AKR1C2: variants seen among roughly 807,000 people sequenced by gnomAD.
AKR1C2 encodes the protein aldo-keto reductase family 1 member C2.
In AKR1C2, 27 loss-of-function variants were observed where a neutral mutation model predicts 39.8. That is an observed-to-expected ratio of 0.68 (90% CI 0.50 to 0.93). The LOEUF (loss-of-function observed/expected upper bound fraction) is 0.93. AKR1C2 is among the 40% of genes least tolerant of loss of function. The pLI, the probability that AKR1C2 is intolerant of heterozygous loss-of-function variation, is 0.00. For synonymous variants in AKR1C2, 114 were observed against 137.9 expected, an observed-to-expected ratio of 0.83 and a Z score of 1.22; for missense variants, 263 against 365.1, an observed-to-expected ratio of 0.72 and a Z score of 2.28.
At chr10:5,011,122 G>C (rs1554774886) in intron 1 of AKR1C2, among the ~76,000 whole-genome samples, 1 of 150,472 alleles carries the variant, frequency 6.6e-6, no homozygotes, top group Non-Finnish European at 1.5e-5. Context: ...ATAGGGCACT[G>C]ATATCCAAAA....
chr10:4,990,616 T>C (rs1836807230), intron 8 of AKR1C2, among the ~76,000 whole-genome samples: 1 of 152,222 alleles, frequency 6.6e-6, no homozygotes, highest in Non-Finnish European at 1.5e-5. Flanking sequence ...AACCATTTTA[T>C]AGGTAGACAT....
upstream of AKR1C2, among the ~76,000 whole-genome samples, chr10:5,008,478 TG>T (rs1370388801): frequency 3.2e-5 from 4 of 126,038 alleles, no homozygotes; most frequent in African/African-American, 1.1e-4. Context: ...ACCTTGTACA[TG>T]GGGGCTTCTG....
chr10:5,014,746 G>C (rs1172308076), intron 1 of AKR1C2, among the ~76,000 whole-genome samples: 1 of 152,204 alleles, frequency 6.6e-6, no homozygotes, highest in African/African-American at 2.4e-5. Context: ...ATGTCTAACA[G>C]CTGTTTCCCT....
At chr10:5,014,969 G>A (rs1837608136) in intron 1 of AKR1C2, 1 of 152,212 alleles carries the variant, frequency 6.6e-6, no homozygotes, top group African/African-American at 2.4e-5. Flanking sequence ...GTCCCTGTTG[G>A]GAGAGTTCTT....
upstream of AKR1C2, among the ~76,000 whole-genome samples, chr10:5,005,262 T>A (rs543013889): frequency 3.3e-5 from 5 of 152,368 alleles, no homozygotes; most frequent in South Asian, 1.0e-3. Context: ...ACTTGAGTTT[T>A]ACGTAGGGCT....
At chr10:4,991,624 C>G (rs1201507205) in intron 8 of AKR1C2, among the ~76,000 whole-genome samples, 1 of 150,206 alleles carries the variant, frequency 6.7e-6, no homozygotes, top group Non-Finnish European at 1.5e-5. Flanking sequence ...AGCAGAGGCA[C>G]AGGTTGACCC....
chr10:5,011,867 G>A (rs1214984260), intron 1 of AKR1C2, among the ~76,000 whole-genome samples: 1 of 152,176 alleles, frequency 6.6e-6, no homozygotes, highest in Non-Finnish European at 1.5e-5. Flanking sequence ...TATGAAGTGT[G>A]TTAAAGTTAA....
intron 1 of AKR1C2, among the ~76,000 whole-genome samples, chr10:5,017,206 A>G (rs1554775418): frequency 6.6e-6 from 1 of 152,136 alleles, no homozygotes; most frequent in East Asian, 1.9e-4. Flanking sequence ...TTCTGCAACC[A>G]CCTTGAATTC....
intron 1 of AKR1C2, among the ~76,000 whole-genome samples, chr10:5,011,694 C>G (rs1278462827): frequency 6.6e-6 from 1 of 152,134 alleles, no homozygotes; most frequent in African/African-American, 2.4e-5. Context: ...CTGAGGATTT[C>G]AATTTACTTT....
intron 7 of AKR1C2, among the ~76,000 whole-genome samples, chr10:4,993,045 G>C (rs1175671203): frequency 1.3e-5 from 2 of 152,162 alleles, no homozygotes; most frequent in South Asian, 4.1e-4. Flanking sequence ...TTCATATTAT[G>C]ATCATGGACT....
upstream of AKR1C2, chr10:5,006,682 T>A (rs1469878358): frequency 3.3e-5 from 5 of 152,156 alleles, no homozygotes; most frequent in African/African-American, 1.2e-4. Flanking sequence ...TCCACAGATT[T>A]CTTATGAGAG....
chr10:5,012,864 C>T (rs533432413), intron 1 of AKR1C2, among the ~76,000 whole-genome samples: 4 of 152,296 alleles, frequency 2.6e-5, no homozygotes, highest in Middle Eastern at 3.4e-3. Context: ...CATAGGCATG[C>T]TGTTTTTTCT....
intron 3 of AKR1C2, chr10:4,999,884 G>A (rs1837199848): frequency 2.3e-6 from 2 of 869,486 alleles, no homozygotes; most frequent in Admixed American, 5.7e-5. Flanking sequence ...GGTGGAGAAA[G>A]GATATATTTT....
chr10:5,004,634 G>A (rs1344028914), upstream of AKR1C2: 1 of 152,114 alleles, frequency 6.6e-6, no homozygotes, highest in Admixed American at 6.5e-5. Context: ...ATAACTATTA[G>A]ATATACTTTA....
intron 1 of AKR1C2, among the ~76,000 whole-genome samples, chr10:5,017,495 A>G (rs562787747): frequency 5.9e-5 from 9 of 152,190 alleles, no homozygotes; most frequent in Admixed American, 1.3e-4. Context: ...TTGCTAAAGC[A>G]TAGGAAGAGT....
At chr10:5,002,568 T>C (rs1410017729) in intron 1 of AKR1C2, among the ~76,000 whole-genome samples, 4 of 97,996 alleles carry the variant, frequency 4.1e-5, no homozygotes, top group African/African-American at 9.2e-5. Flanking sequence ...CTCCATAAAT[T>C]CAAGGCAACT....
chr10:4,999,487 T>C lies in AKR1C2; in HGVS notation c.370-210A>G, dbSNP rs534182670. ...TCTAATCTCTTACACCTATTATATG[T>C]ATAAATAAATACCATCTTTCTGGTT... On this transcript the variant is annotated intron_variant, in intron 3 of 8. Coordinates refer to ENST00000380753, the MANE Select transcript of AKR1C2 (RefSeq NM_001393392.1). The C allele has an allele frequency of 5.0e-6, 5 of 996,998 alleles. No individual in the cohort carries two copies. The South Asian group carries it at 9.3e-5, about 18-fold the overall frequency. 61.8% of individuals were successfully genotyped at this position (996,998 alleles called of 1,614,324 possible).
rs1836748291 is a variant in AKR1C2, at chr10:4,988,905, A to C, written c.*1091T>G. On this transcript the variant is annotated 3_prime_UTR_variant, in exon 9 of 9. Transcript: ENST00000380753. ...AAGAGTTCTTCTTAAAATTTACCAA[A>C]GTTTGAAACCAGTGTGCTGTTTTAC... The C allele has an allele frequency of 6.6e-6, 1 of 152,242 alleles. No homozygotes were observed. The highest frequency in any genetic ancestry group is 1.9e-4 in the East Asian group (1 of 5,190). The allele number at this position is 152,242 out of a possible 1,614,324, so 9.4% of individuals were successfully genotyped here.
chr10:5,000,738 A>G, intron 2 of AKR1C2, 72 bp from the exon 3 acceptor site: 1 of 1,391,066 alleles, frequency 7.2e-7, no homozygotes, highest in Admixed American at 2.1e-5. Flanking sequence ...TCCACCTAAT[A>G]TTTAGACATT....
Sources: gnomAD v4.1 joint callset for allele counts (sites outside exome capture counted in the v4.1 genomes callset) on GRCh38, gnomAD v4.1.1 for gene constraint, MANE v1.5 for transcripts, NCBI Gene and HGNC (gene_info 2026-07-23, HGNC 2026-07-21) for gene names.